Variants in COL5A1 observed in about 807,000 individuals in gnomAD.
COL5A1 encodes the protein collagen alpha-1(V) chain.
COL5A1 carries 16 observed loss-of-function variants against 263.7 expected under a neutral mutation model. The ratio of observed to expected loss-of-function variants is 0.06; its 90% CI spans 0.04 to 0.09. COL5A1 has a LOEUF of 0.09. Among genes scored for constraint, COL5A1 ranks in the 10% least tolerant of loss-of-function variants. COL5A1 has a pLI of 1.00. For synonymous variants in COL5A1, 1,012 were observed against 1,004.5 expected, an observed-to-expected ratio of 1.01 and a Z score of -0.14; for missense variants, 2,036 against 2,540.5, an observed-to-expected ratio of 0.80 and a Z score of 4.27.
At chr9:134,676,870 G>T (rs1267075148) in intron 1 of COL5A1, among the ~76,000 whole-genome samples, 1 of 152,142 alleles carries the variant, frequency 6.6e-6, no homozygotes, top group African/African-American at 2.4e-5. Context: ...TTGCTCATTG[G>T]CTGGCTTCCT....
At chr9:134,725,549 T>C (rs1205616675) in intron 4 of COL5A1, among the ~76,000 whole-genome samples, 5 of 152,244 alleles carry the variant, frequency 3.3e-5, no homozygotes, top group African/African-American at 7.2e-5. Context: ...AGATAGCGTT[T>C]ATGAGACCTG....
chr9:134,841,191 C>T lies in COL5A1; in HGVS notation c.5371-966C>T, dbSNP rs1227002646. ...CCAGATCCAGCTGCGACTGTAAATC[C>T]AGTCTGGGTCTGAGGTAGCAAAAGC... On this transcript the variant is annotated intron_variant, in intron 65 of 65. Transcript: ENST00000371817. This position sits in a 1 kb window ranked among gnomAD's most constrained non-coding sequence, Gnocchi z 4.8. Among the ~76,000 whole-genome samples, 1 of 152,214 alleles carries T rather than the reference C, an allele frequency of 6.6e-6. No individual in the cohort carries two copies. Among genetic ancestry groups the T allele is most frequent in the Non-Finnish European group, 1.5e-5 (1 of 68,042 alleles).
chr9:134,658,202 C>G (rs1449918419), intron 1 of COL5A1, among the ~76,000 whole-genome samples: 1 of 152,088 alleles, frequency 6.6e-6, no homozygotes, highest in Non-Finnish European at 1.5e-5. Context: ...ACCCTACAAC[C>G]GTGGTGGTGG....
intron 27 of COL5A1, among the ~76,000 whole-genome samples, chr9:134,776,611 G>A (rs764709150): frequency 9.8e-5 from 15 of 152,366 alleles, no homozygotes; most frequent in Admixed American, 2.0e-4. Context: ...GTGGGATTGC[G>A]TGGGCCGAGC....
rs952480974 is a variant in COL5A1 at position 134,821,687 on chromosome 9, G to A, written c.4555-410G>A. ...ATGGGACTCCCTGCCCAACCCCTCC[G>A]GGCTTAGTTCTAGAGGGGAGACTAA... On this transcript the variant is annotated intron_variant, in intron 58 of 65. Coordinates refer to ENST00000371817, the MANE Select transcript of COL5A1 (RefSeq NM_000093.5). This position sits in a 1 kb window ranked among gnomAD's most constrained non-coding sequence, Gnocchi z 4.2. Among the ~76,000 whole-genome samples, 8 of 152,194 alleles carry A rather than the reference G, an allele frequency of 5.3e-5. No homozygotes were observed. The highest frequency in any genetic ancestry group is 1.9e-4 in the African/African-American group (8 of 41,436).
rs1271179606 is a variant in COL5A1 at position 134,821,741 on chromosome 9, C to T, written c.4555-356C>T. Among the ~76,000 whole-genome samples the T allele has an allele frequency of 1.3e-5, 2 of 152,248 alleles. No individual in the cohort carries two copies. Among genetic ancestry groups the T allele is most frequent in the Non-Finnish European group, 2.9e-5 (2 of 68,050 alleles). ...CATGAGCAGGAAACAGCAAGAGGGG[C>T]CCAAGCCAGGGCCACAATGTCAGGG... is the stretch of plus-strand genomic sequence containing the variant. On this transcript the variant is annotated intron_variant, in intron 58 of 65. Coordinates refer to ENST00000371817, the MANE Select transcript of COL5A1 (RefSeq NM_000093.5). The surrounding 1 kb of genome is among the most constrained non-coding windows in gnomAD (Gnocchi z 4.2).
In COL5A1 at chr9:134,809,623, G is replaced by A. The variant is rs949848671; in HGVS notation, c.3474+333G>A. On this transcript the variant is annotated intron_variant, in intron 43 of 65. Coordinates refer to ENST00000371817, the MANE Select transcript of COL5A1 (RefSeq NM_000093.5). ...GAATAATTTCAAATTCCGAAACTGC[G>A]GAGCCCGGTTTAATGAGGTTTTGCT... Among the ~76,000 whole-genome samples, 6 of 152,228 alleles carry A rather than the reference G, an allele frequency of 3.9e-5. 1 individual carries two copies. The highest frequency in any genetic ancestry group is 2.0e-4 in the Admixed American group (3 of 15,280).
At position 134,799,484 on chromosome 9, in the gene COL5A1, G is replaced by A. The variant is rs148088732; in HGVS notation, c.2952+1023G>A. On this transcript the variant is annotated intron_variant, in intron 37 of 65. Transcript: ENST00000371817. ...ACAGATGCAAACATTTCCCACAGAGGAGAGTGAGGGGCATGCCAGGATCAC... is the reference window on the plus strand; with the variant it reads ...ACAGATGCAAACATTTCCCACAGAGAAGAGTGAGGGGCATGCCAGGATCAC... Among the ~76,000 whole-genome samples the A allele has an allele frequency of 9.2e-3, 1,395 of 152,308 alleles. 28 individuals carry two copies. The highest frequency in any genetic ancestry group is 0.031 in the African/African-American group (1,297 of 41,564).
In COL5A1 at chr9:134,728,827, C is replaced by G. The variant is rs1834754617; in HGVS notation, c.924+20C>G. 2 of 1,613,654 alleles carry G rather than the reference C, an allele frequency of 1.2e-6. No individual in the cohort carries two copies. Among genetic ancestry groups the G allele is most frequent in the South Asian group, 2.2e-5 (2 of 91,076 alleles). ...CCCGAGGTCTGGGCTGAGCGGGGGA[C>G]TGGGTTGGGCTGGGCCCCTCGAGGC... On this transcript the variant is annotated intron_variant, in intron 6 of 65. Coordinates refer to ENST00000371817, the MANE Select transcript of COL5A1 (RefSeq NM_000093.5).
chr9:134,701,409 G>A (rs1833670479), intron 4 of COL5A1, 76 bp downstream of exon 4: 1 of 1,487,986 alleles, frequency 6.7e-7, no homozygotes, highest in African/African-American at 1.4e-5. Flanking sequence ...TGCTGTTGGA[G>A]GAGGCTCCTC....
chr9:134,844,436 G>A lies in COL5A1; in HGVS notation c.*2133G>A, dbSNP rs1204751251. 6.6e-6 allele frequency: 1 copy of A among 152,456 alleles called. No homozygotes were observed. The highest frequency in any genetic ancestry group is 1.5e-5 in the Non-Finnish European group (1 of 68,060). 9.4% of individuals were successfully genotyped at this position (152,456 alleles called of 1,614,324 possible). On this transcript the variant is annotated 3_prime_UTR_variant, in exon 66 of 66. Transcript: ENST00000371817. ...TTCTCCTGTCATTTTCTTCCTCTGT[G>A]GTCCCTTCAAAGTTGTTATAATTTG...
At chr9:134,702,474 A>G (rs188694367) in intron 4 of COL5A1, among the ~76,000 whole-genome samples, 2,454 of 151,648 alleles carry the variant, frequency 0.016, 41 homozygotes, top group South Asian at 0.042. Context: ...CCCCAGGGCC[A>G]TGTTTCTTCT....
chr9:134,797,124 G>A (rs1263213774), intron 36 of COL5A1, among the ~76,000 whole-genome samples: 4 of 152,234 alleles, frequency 2.6e-5, no homozygotes, highest in African/African-American at 9.6e-5. Flanking sequence ...TCCCACTGCC[G>A]GGCCCGCTGG....
At chr9:134,795,758 G>T (rs962897118) in intron 34 of COL5A1, among the ~76,000 whole-genome samples, 1 of 152,274 alleles carries the variant, frequency 6.6e-6, no homozygotes, top group Non-Finnish European at 1.5e-5. Context: ...TTCCCACCGA[G>T]GGGCATTGAA....
chr9:134,707,249 A>G (rs1222053382), intron 4 of COL5A1, among the ~76,000 whole-genome samples: 1 of 152,214 alleles, frequency 6.6e-6, no homozygotes, highest in Non-Finnish European at 1.5e-5. Flanking sequence ...GAAGGTTTCA[A>G]GGGGCAACAA....
In COL5A1 at chr9:134,690,989, G is replaced by A. The variant is rs749697867; in HGVS notation, c.187G>A (p.Ala63Thr). Residue 63 changes from alanine to threonine, a missense_variant, in exon 2 of 66, where the codon GCC becomes ACC. This residue lies in a region of COL5A1 where 600 missense variants were observed against 634.5 expected (regional missense o/e 0.95). Coordinates refer to ENST00000371817, the MANE Select transcript of COL5A1 (RefSeq NM_000093.5). ...DGITKTTGFC[A>T]TRRSSKGPDV... ...AATAACAAAGACAACAGGCTTTTGC[G>A]CCACGCGGCGATCTTCCAAAGGCCC... The A allele has an allele frequency of 2.1e-5, 34 of 1,613,724 alleles. No homozygotes were observed. Among genetic ancestry groups the A allele is most frequent in the Middle Eastern group, 1.6e-4 (1 of 6,084 alleles).
intron 9 of COL5A1, among the ~76,000 whole-genome samples, chr9:134,737,800 T>C (rs1171940052): frequency 2.0e-5 from 3 of 151,848 alleles, no homozygotes; most frequent in Non-Finnish European, 2.9e-5. Flanking sequence ...CCTGTCCCCA[T>C]TGGGGTTAGA....
At chr9:134,743,475 A>G (rs1835365744) in intron 11 of COL5A1, among the ~76,000 whole-genome samples, 1 of 152,198 alleles carries the variant, frequency 6.6e-6, no homozygotes, top group African/African-American at 2.4e-5. Flanking sequence ...GTCTGTGGGC[A>G]GGTCCCACCT....
intron 27 of COL5A1, among the ~76,000 whole-genome samples, chr9:134,779,725 C>T (rs11103524): frequency 0.15 from 23,566 of 152,160 alleles, 2,063 homozygotes; most frequent in African/African-American, 0.23. Flanking sequence ...TAGACCTCAC[C>T]TCCTGCTTCC....
Sources: allele counts gnomAD v4.1 joint callset (sites outside exome capture counted in the v4.1 genomes callset), GRCh38; gene constraint gnomAD v4.1.1; regional missense constraint gnomAD v4.1.1; non-coding constraint Gnocchi (gnomAD v3.1); transcripts MANE v1.5; gene names NCBI Gene and HGNC (gene_info 2026-07-23, HGNC 2026-07-21).